Variants in PSMC2 observed in about 807,000 individuals in gnomAD.
PSMC2 encodes the protein proteasome 26S subunit, ATPase 2.
A neutral mutation model predicts 53.3 loss-of-function variants in PSMC2; 7 were observed. The ratio of observed to expected loss-of-function variants is 0.13; its 90% confidence interval spans 0.07 to 0.25. The LOEUF is 0.25. PSMC2 is among the 10% of genes least tolerant of loss of function. PSMC2 has a pLI of 1.00. For missense variants in PSMC2, 241 were observed against 544.0 expected (o/e 0.44, Z 5.54); for synonymous variants, 169 against 183.9 (o/e 0.92, Z 0.66).
chr7:103,363,495 T>C (rs1255234047), intron 7 of PSMC2, 56 bp downstream of exon 7: 7 of 1,469,114 alleles, frequency 4.8e-6, no homozygotes, highest in Non-Finnish European at 6.7e-6. Flanking sequence ...CTTTTGTGTA[T>C]TGAGCACTAA....
At chr7:103,348,819 C>A in intron 1 of PSMC2, 1 of 709,116 alleles carries the variant, frequency 1.4e-6, no homozygotes, top group South Asian at 1.4e-5. Context: ...CAATGGAAAA[C>A]CATGATAGTT....
chr7:103,360,591 C>CT (rs1820325033), intron 4 of PSMC2, among the ~76,000 whole-genome samples: 1 of 152,174 alleles, frequency 6.6e-6, no homozygotes, highest in African/African-American at 2.4e-5. Context: ...ACTTTTAGCT[C>CT]TACCTATGTG....
chr7:103,351,057 G>A (rs1283195206), intron 1 of PSMC2, among the ~76,000 whole-genome samples: 2 of 151,882 alleles, frequency 1.3e-5, no homozygotes, highest in Admixed American at 1.3e-4. Flanking sequence ...ATCCATTCTG[G>A]TCTTGGACTG....
chr7:103,358,876 C>G (rs1005851204), intron 4 of PSMC2, among the ~76,000 whole-genome samples: 1 of 152,014 alleles, frequency 6.6e-6, no homozygotes, highest in South Asian at 2.1e-4. Flanking sequence ...AGATCCCAGG[C>G]CTTAAAGAAA....
In PSMC2 at chr7:103,354,224, G is replaced by T. The variant is rs1471439772; in HGVS notation, c.108+266G>T. Among the ~76,000 whole-genome samples the T allele has an allele frequency of 1.3e-5, 2 of 152,132 alleles. 1 individual carries two copies. The highest frequency in any genetic ancestry group is 4.1e-4 in the South Asian group (2 of 4,820). On this transcript the variant is annotated intron_variant, in intron 2 of 11. Transcript: ENST00000292644. ...TTTATGTATTATTTTAATACTATTCGTGATTAAAATGTGATGCTATATTGA... is the reference window on the plus strand; with the variant it reads ...TTTATGTATTATTTTAATACTATTCTTGATTAAAATGTGATGCTATATTGA...
intron 6 of PSMC2, 126 bp from the exon 7 acceptor site, chr7:103,363,218 A>T: frequency 1.4e-6 from 1 of 714,374 alleles, no homozygotes; most frequent in African/African-American, 1.8e-5. Context: ...TGGGCAATGT[A>T]TTCAATTTTT....
chr7:103,353,833 T>A, intron 1 of PSMC2, 88 bp from the exon 2 acceptor site: 1 of 1,125,122 alleles, frequency 8.9e-7, no homozygotes, highest in Non-Finnish European at 1.3e-6. Flanking sequence ...ACAATTTGAA[T>A]CGAACAGAAA....
chr7:103,356,436 G>A (rs549114815), intron 4 of PSMC2, among the ~76,000 whole-genome samples: 115 of 152,206 alleles, frequency 7.6e-4, no homozygotes, highest in African/African-American at 2.7e-3. Flanking sequence ...AATTACTTTG[G>A]CCAGTTTATA....
chr7:103,352,809 C>T (rs1819795190), intron 1 of PSMC2: 2 of 780,328 alleles, frequency 2.6e-6, no homozygotes, highest in Non-Finnish European at 4.8e-6. Flanking sequence ...GGTCACCCCA[C>T]TAACAGATTC....
intron 3 of PSMC2, 127 bp from the exon 4 acceptor site, chr7:103,355,567 A>G (rs929517646): frequency 2.2e-5 from 15 of 680,302 alleles, no homozygotes; most frequent in Non-Finnish European, 3.6e-5. Context: ...TAAACAGTCT[A>G]TAATGCACAT....
intron 6 of PSMC2, among the ~76,000 whole-genome samples, chr7:103,362,969 T>C (rs1419670745): frequency 6.6e-6 from 1 of 152,098 alleles, no homozygotes; most frequent in African/African-American, 2.4e-5. Flanking sequence ...AATTTTTGTA[T>C]TTTTAGTAGA....
intron 4 of PSMC2, 70 bp downstream of exon 4, chr7:103,355,863 G>A: frequency 9.5e-7 from 1 of 1,057,236 alleles, no homozygotes. Flanking sequence ...AGAGTCTCAG[G>A]GATAATGCAA....
intron 4 of PSMC2, 130 bp from the exon 5 acceptor site, chr7:103,361,827 T>C (rs996662138): frequency 3.5e-6 from 3 of 868,658 alleles, no homozygotes; most frequent in African/African-American, 3.5e-5. Flanking sequence ...AAAGGATCTT[T>C]AACAGTGTCC....
At chr7:103,359,300 C>G (rs1820238887) in intron 4 of PSMC2, among the ~76,000 whole-genome samples, 1 of 151,546 alleles carries the variant, frequency 6.6e-6, no homozygotes, top group African/African-American at 2.4e-5. Flanking sequence ...GCCCAGCCAG[C>G]TTATGAATTT....
rs370172282 is a variant in PSMC2, at chr7:103,357,116, A to C, written c.290+1323A>C. On this transcript the variant is annotated intron_variant, in intron 4 of 11. Transcript: ENST00000292644. ...CCAGGCAGGCAGATGACTTGAGGTC[A>C]GGAGTTCAAGACCAGCCTGGTCAAC... 3.3e-5 allele frequency among the ~76,000 whole-genome samples: 5 copies of C among 152,256 alleles called. No homozygotes were observed. In the East Asian group the frequency reaches 7.7e-4, roughly 24 times the overall value.
chr7:103,354,788 C>T (rs1819938543), intron 2 of PSMC2, 80 bp from the exon 3 acceptor site: 2 of 915,822 alleles, frequency 2.2e-6, no homozygotes, highest in Admixed American at 2.3e-5. Flanking sequence ...GAAATTGTAA[C>T]TTAAAAATAA....
chr7:103,362,563 TA>T, intron 5 of PSMC2, 122 bp from the exon 6 acceptor site: 1 of 1,416,668 alleles, frequency 7.1e-7, no homozygotes, highest in African/African-American at 1.5e-5. Flanking sequence ...TCTCTTTATA[TA>T]ATTAGGGACT....
chr7:103,361,352 A>T (rs1011162830), intron 4 of PSMC2, among the ~76,000 whole-genome samples: 2 of 149,730 alleles, frequency 1.3e-5, no homozygotes, highest in East Asian at 2.0e-4. Context: ...AAAAAAAAAA[A>T]ATACAAAATT....
rs375177559 is a variant in PSMC2 at position 103,355,886 on chromosome 7, A to G, written c.290+93A>G. 272 of 840,900 alleles carry G rather than the reference A, an allele frequency of 3.2e-4. 2 individuals carry two copies. In the Middle Eastern group the frequency reaches 0.011, roughly 35 times the overall value. The allele number at this position is 840,900 out of a possible 1,614,324, so 52.1% of individuals were successfully genotyped here. Reference sequence around the variant, plus strand: ...AGGGATAATGCAATAGTTCATAAATAATTTTGATTCCAAATTCCAAGTAAA... The same window carrying G: ...AGGGATAATGCAATAGTTCATAAATGATTTTGATTCCAAATTCCAAGTAAA... On this transcript the variant is annotated intron_variant, in intron 4 of 11. Coordinates refer to ENST00000292644, the MANE Select transcript of PSMC2 (RefSeq NM_002803.4).
Sources: gnomAD v4.1 joint callset for allele counts (sites outside exome capture counted in the v4.1 genomes callset) on GRCh38, gnomAD v4.1.1 for gene constraint, MANE v1.5 for transcripts, NCBI Gene and HGNC (gene_info 2026-07-23, HGNC 2026-07-21) for gene names.